The following ZNF843 variants were observed in gnomAD, a reference collection of about 807,000 sequenced individuals.
ZNF843 encodes zinc finger protein 843.
For missense variants in ZNF843, 482 were observed against 469.4 expected (o/e 1.03, Z -0.25); for synonymous variants, 185 against 207.7 (o/e 0.89, Z 0.94).
Position 31,436,902 on chromosome 16 carries a change from C to T in ZNF843, c.-53G>A, listed in dbSNP as rs1019247355. 1 of 1,442,798 alleles carries T rather than the reference C, an allele frequency of 6.9e-7. No homozygotes were observed. The highest frequency in any genetic ancestry group is 9.2e-7 in the Non-Finnish European group (1 of 1,085,530). 89.4% of individuals were successfully genotyped at this position (1,442,798 alleles called of 1,614,324 possible). A position where few individuals can be genotyped will look rare whatever the true frequency, so the allele number is the denominator to read the frequency against. On this transcript the variant is annotated 5_prime_UTR_variant, in exon 2 of 2. Coordinates refer to ENST00000315678, the MANE Select transcript of ZNF843 (RefSeq NM_001136509.3). Reference sequence around the variant, plus strand: ...GGGAGTAACTGTACGGGAGGCTTTGCCGCACTTGGCGCAGCTGTGGGGCCT... The same window carrying T: ...GGGAGTAACTGTACGGGAGGCTTTGTCGCACTTGGCGCAGCTGTGGGGCCT...
intron 1 of ZNF843, among the ~76,000 whole-genome samples, chr16:31,441,360 A>G (rs2082200571): frequency 6.6e-6 from 1 of 152,208 alleles, no homozygotes; most frequent in African/African-American, 2.4e-5. Flanking sequence ...AGGAGTAACA[A>G]CATACAGCCA....
At chr16:31,440,772 T>C (rs1597181793) in intron 1 of ZNF843, among the ~76,000 whole-genome samples, 1 of 152,224 alleles carries the variant, frequency 6.6e-6, no homozygotes, top group East Asian at 1.9e-4. Context: ...TGCCTGAGAC[T>C]GGTCCAGACT....
chr16:31,438,110 A>AG (rs1389764927), intron 1 of ZNF843, among the ~76,000 whole-genome samples: 1 of 152,190 alleles, frequency 6.6e-6, no homozygotes, highest in Non-Finnish European at 1.5e-5. Flanking sequence ...TGAGCCCAGG[A>AG]GACTAACCTG....
Position 31,436,866 on chromosome 16 carries a change from A to G in ZNF843, c.-17T>C, listed in dbSNP as rs1337742289. On this transcript the variant is annotated 5_prime_UTR_variant, in exon 2 of 2. Coordinates refer to ENST00000315678, the MANE Select transcript of ZNF843 (RefSeq NM_001136509.3). ...GCTTCTCATGAGCAGGGCTTCGGAG[A>G]TGACCGCTCAGGGAGTAACTGTACG... The G allele has an allele frequency of 6.6e-7, 1 of 1,511,054 alleles. No individual in the cohort carries two copies. The highest frequency in any genetic ancestry group is 2.1e-5 in the Admixed American group (1 of 46,852). The allele number at this position is 1,511,054 out of a possible 1,614,324, so 93.6% of individuals were successfully genotyped here. A position where few individuals can be genotyped will look rare whatever the true frequency, so the allele number is the denominator to read the frequency against.
At chr16:31,442,292 T>C (rs1217553837) in intron 1 of ZNF843, among the ~76,000 whole-genome samples, 1 of 146,912 alleles carries the variant, frequency 6.8e-6, no homozygotes, top group Non-Finnish European at 1.5e-5. Context: ...GCTGCGGCCC[T>C]TCGCTCGATT....
intron 1 of ZNF843, among the ~76,000 whole-genome samples, chr16:31,438,266 AAAG>A (rs1442978519): frequency 6.6e-6 from 1 of 152,260 alleles, no homozygotes; most frequent in Non-Finnish European, 1.5e-5. Flanking sequence ...AAGGTGATTA[AAAG>A]AAGGGGGCCC....
In ZNF843 at chr16:31,436,948, G is replaced by T; in HGVS notation, c.-99C>A. Reference sequence around the variant, plus strand: ...GGCCTCTGCCGCACTCAGGCTTCCCGTGGCCACGAGCTCACAGTCTGGGAG... The same window carrying T: ...GGCCTCTGCCGCACTCAGGCTTCCCTTGGCCACGAGCTCACAGTCTGGGAG... On this transcript the variant is annotated 5_prime_UTR_variant, in exon 2 of 2. Coordinates refer to ENST00000315678, the MANE Select transcript of ZNF843 (RefSeq NM_001136509.3). 1.7e-6 allele frequency: 2 copies of T among 1,185,588 alleles called. No homozygotes were observed. The highest frequency in any genetic ancestry group is 1.2e-6 in the Non-Finnish European group (1 of 858,518). 73.4% of individuals were successfully genotyped at this position (1,185,588 alleles called of 1,614,324 possible).
rs2082176165 is a variant in ZNF843, at chr16:31,435,718, G to T, written c.*85C>A. ...CAGAAAAGCCGTCCTGAGCGGGTCT[G>T]TGTGGAGGGAGGGGACTGCATCTCA... On this transcript the variant is annotated 3_prime_UTR_variant, in exon 2 of 2. Transcript: ENST00000315678. 7.5e-7 allele frequency: 1 copy of T among 1,330,906 alleles called. No homozygotes were observed. Among genetic ancestry groups the T allele is most frequent in the Non-Finnish European group, 1.0e-6 (1 of 1,002,030 alleles). The allele number at this position is 1,330,906 out of a possible 1,614,324, so 82.4% of individuals were successfully genotyped here.
intron 1 of ZNF843, among the ~76,000 whole-genome samples, chr16:31,439,631 G>A (rs1447919696): frequency 1.3e-5 from 2 of 152,206 alleles, no homozygotes; most frequent in African/African-American, 4.8e-5. Context: ...AGACACAAGA[G>A]AATACATACT....
In ZNF843 at chr16:31,436,585, G is replaced by A; in HGVS notation, c.265C>T (p.His89Tyr). The change falls in exon 2 of 2, where the codon CAT (histidine) becomes TAT (tyrosine). Residue 89 changes from histidine (H) to tyrosine (Y), a missense_variant. His to Tyr is a moderately conservative substitution (Grantham distance 83, BLOSUM62 2). Transcript: ENST00000315678. ...CCTTGCCGCACTCCCGCAGACGAAT[G>A]GCTTCTCCCGAGTGGACTCGCTGGT... is the stretch of plus-strand genomic sequence containing the variant. ...QAPASPLGRS[H>Y]SSAGVRQGFS... 1 of 1,551,192 alleles carries A rather than the reference G, an allele frequency of 6.4e-7. No individual in the cohort carries two copies. Among genetic ancestry groups the A allele is most frequent in the Non-Finnish European group, 8.7e-7 (1 of 1,146,600 alleles).
Position 31,436,751 on chromosome 16 carries a change from G to A in ZNF843, c.99C>T (p.Cys33=). 6.4e-7 allele frequency: 1 copy of A among 1,551,782 alleles called. No individual in the cohort carries two copies. The highest frequency in any genetic ancestry group is 1.2e-5 in the South Asian group (1 of 84,064). The change falls in exon 2 of 2, where the codon TGC becomes TGT. Residue 33 remains cysteine, a synonymous_variant. Coordinates refer to ENST00000315678, the MANE Select transcript of ZNF843 (RefSeq NM_001136509.3). ...TGRFTQGRQP[C]KCKACGRGFT... is the part of the protein sequence containing the mutation. ...AACCCCTCCCGCAGGCCTTGCACTT[G>A]CAGGGCTGACGGCCCTGGGTGAATC...
chr16:31,440,987 C>T (rs925417407), intron 1 of ZNF843, among the ~76,000 whole-genome samples: 3 of 152,222 alleles, frequency 2.0e-5, no homozygotes, highest in African/African-American at 7.2e-5. Flanking sequence ...TCCCTGTCAT[C>T]AGCCTTGCCC....
intron 1 of ZNF843, among the ~76,000 whole-genome samples, chr16:31,437,441 CTG>C (rs2082187274): frequency 6.7e-6 from 1 of 148,396 alleles, no homozygotes; most frequent in East Asian, 2.0e-4. Flanking sequence ...GTAGCTGGGA[CTG>C]TAGTTGCACA....
At chr16:31,440,945 T>C (rs1414540837) in intron 1 of ZNF843, among the ~76,000 whole-genome samples, 1 of 152,222 alleles carries the variant, frequency 6.6e-6, no homozygotes, top group Non-Finnish European at 1.5e-5. Flanking sequence ...TCACTCAACA[T>C]TCTTCCTGTG....
upstream of ZNF843, chr16:31,442,814 A>G (rs2082206593): frequency 6.6e-6 from 1 of 152,068 alleles, no homozygotes; most frequent in Non-Finnish European, 1.5e-5. Flanking sequence ...CTGTGGGGAA[A>G]CATGGTCCCC....
intron 1 of ZNF843, among the ~76,000 whole-genome samples, chr16:31,440,047 C>T (rs1030712359): frequency 2.0e-5 from 3 of 152,126 alleles, no homozygotes; most frequent in South Asian, 2.1e-4. Flanking sequence ...TTACTACATG[C>T]CAGGTACTAT....
chr16:31,442,248 G>A (rs1276454993), intron 1 of ZNF843, among the ~76,000 whole-genome samples: 2 of 152,274 alleles, frequency 1.3e-5, no homozygotes, highest in African/African-American at 2.4e-5. Context: ...GGGCTCGGCG[G>A]AGGCGCGTGT....
At position 31,436,238 on chromosome 16, in the gene ZNF843, G is replaced by A. The variant is rs1343749362; in HGVS notation, c.612C>T (p.Ser204=). The change falls in exon 2 of 2, where the codon TCC becomes TCT. Residue 204 remains serine (S), a synonymous_variant. Coordinates refer to ENST00000315678, the MANE Select transcript of ZNF843 (RefSeq NM_001136509.3). ...SGLRPCGSPG[S]FLQHLPPSTL... ...TGGATGGGGGCAGATGTTGAAGGAA[G>A]GACCCGGGGCTCCCACAGGGCCGGA... The A allele has an allele frequency of 6.5e-7, 1 of 1,543,004 alleles. No homozygotes were observed.
chr16:31,436,607 T>C lies in ZNF843; in HGVS notation c.243A>G (p.Pro81=), dbSNP rs1220566469. 14 of 1,551,438 alleles carry C rather than the reference T, an allele frequency of 9.0e-6. No homozygotes were observed. Among genetic ancestry groups the C allele is most frequent in the African/African-American group, 1.4e-5 (1 of 73,046 alleles). Residue 81 remains proline (P), a synonymous_variant, in exon 2 of 2, where the codon CCA becomes CCG. Transcript: ENST00000315678. The part of the protein sequence containing the change: ...LLWPLQPHQA[P]ASPLGRSHSS... Reference sequence around the variant, plus strand: ...AATGGCTTCTCCCGAGTGGACTCGCTGGTGCTTGATGAGGTTGGAGCGGCC... The same window carrying C: ...AATGGCTTCTCCCGAGTGGACTCGCCGGTGCTTGATGAGGTTGGAGCGGCC...
Sources: allele counts gnomAD v4.1 joint callset (sites outside exome capture counted in the v4.1 genomes callset), GRCh38; gene constraint gnomAD v4.1.1; transcripts MANE v1.5; gene names NCBI Gene and HGNC (gene_info 2026-07-23, HGNC 2026-07-21).